Variants in UTRN observed in about 807,000 individuals in gnomAD.
UTRN encodes dystrophin-related protein 1.
UTRN carries 283 observed loss-of-function variants against 463.9 expected under a neutral mutation model. That is an observed-to-expected ratio of 0.61 (90% CI 0.55 to 0.67). UTRN has a LOEUF of 0.67. Ranked by LOEUF, UTRN falls within the 30% of genes least tolerant of loss-of-function variation. UTRN has a pLI of 0.00. For synonymous variants in UTRN, 1,442 were observed against 1,431.5 expected (o/e 1.01, Z -0.17); for missense variants, 3,922 against 4,084.3 (o/e 0.96, Z 1.08).
chr6:144,562,922 T>C (rs1303722709), intron 50 of UTRN, among the ~76,000 whole-genome samples: 6 of 152,228 alleles, frequency 3.9e-5, no homozygotes, highest in Non-Finnish European at 2.9e-5. Context: ...GGTATCCCAT[T>C]GCGGTTTTGA....
intron 52 of UTRN, among the ~76,000 whole-genome samples, chr6:144,697,738 A>G (rs6570640): frequency 0.36 from 55,057 of 152,012 alleles, 11,366 homozygotes; most frequent in East Asian, 0.88. Flanking sequence ...TATTGTCTTC[A>G]TCCTCATAAT....
At chr6:144,758,873 T>C (rs1792317711) in intron 58 of UTRN, among the ~76,000 whole-genome samples, 2 of 152,084 alleles carry the variant, frequency 1.3e-5, no homozygotes, top group Admixed American at 6.6e-5. Flanking sequence ...TCAGGTTAGC[T>C]GTGTGACCTC....
chr6:144,726,173 C>T (rs1214578911), intron 53 of UTRN, among the ~76,000 whole-genome samples: 1 of 152,066 alleles, frequency 6.6e-6, no homozygotes, highest in African/African-American at 2.4e-5. Flanking sequence ...TCTGACAATA[C>T]CCCCCAACTT....
chr6:144,802,797 AGATAT>A (rs1329348004), intron 64 of UTRN, among the ~76,000 whole-genome samples: 1 of 152,176 alleles, frequency 6.6e-6, no homozygotes, highest in Non-Finnish European at 1.5e-5. Context: ...TCAACTTAAT[AGATAT>A]AATTCTTTTC....
chr6:144,348,360 G>C (rs1777788253), intron 2 of UTRN, among the ~76,000 whole-genome samples: 1 of 152,164 alleles, frequency 6.6e-6, no homozygotes, highest in Non-Finnish European at 1.5e-5. Flanking sequence ...AGGTTTGCTG[G>C]TGGCTGAAAG....
At chr6:144,397,238 C>T (rs892309499) in intron 2 of UTRN, among the ~76,000 whole-genome samples, 2 of 150,998 alleles carry the variant, frequency 1.3e-5, no homozygotes, top group South Asian at 2.1e-4. Context: ...GAGCGAAACT[C>T]GGTCTTAAAA....
chr6:144,589,127 G>A (rs939029060), intron 51 of UTRN, among the ~76,000 whole-genome samples: 3 of 152,144 alleles, frequency 2.0e-5, no homozygotes, highest in Admixed American at 2.0e-4. Flanking sequence ...AGTTAAGCAA[G>A]AATTTTGGAA....
intron 39 of UTRN, among the ~76,000 whole-genome samples, chr6:144,517,564 C>T (rs1795732771): frequency 1.3e-5 from 2 of 151,942 alleles, no homozygotes; most frequent in Admixed American, 1.3e-4. Flanking sequence ...TCCCTGGGGT[C>T]CGTTCTTTGG....
chr6:144,430,329 C>G lies in UTRN; in HGVS notation c.855+588C>G, dbSNP rs373703279. Among the ~76,000 whole-genome samples the G allele has an allele frequency of 1.4e-4, 21 of 152,096 alleles. No individual in the cohort carries two copies. In the East Asian group the frequency reaches 2.5e-3, roughly 18 times the overall value. ...AAATAAAATCATAATTTATTTTCTT[C>G]CTTAGTTCTACTGTTTGAATCAATC... On this transcript the variant is annotated intron_variant, in intron 9 of 74. Coordinates refer to ENST00000367545, the MANE Select transcript of UTRN (RefSeq NM_007124.3).
chr6:144,590,464 A>G (rs1585429460), intron 51 of UTRN, among the ~76,000 whole-genome samples: 2 of 152,198 alleles, frequency 1.3e-5, no homozygotes, highest in African/African-American at 4.8e-5. Context: ...AAAGGACATA[A>G]TAGCTCCCTA....
chr6:144,679,092 T>G (rs992463076), intron 52 of UTRN, among the ~76,000 whole-genome samples: 1 of 152,178 alleles, frequency 6.6e-6, no homozygotes, highest in Non-Finnish European at 1.5e-5. Flanking sequence ...TCATGTTGTT[T>G]TTTATGCCTC....
intron 65 of UTRN, among the ~76,000 whole-genome samples, chr6:144,810,025 A>G (rs1778474439): frequency 6.6e-6 from 1 of 152,304 alleles, no homozygotes; most frequent in African/African-American, 2.4e-5. Context: ...AAGAGTGGAC[A>G]GTTGCGTAGA....
intron 58 of UTRN, among the ~76,000 whole-genome samples, chr6:144,759,230 T>C (rs1490438326): frequency 1.3e-5 from 2 of 152,100 alleles, no homozygotes; most frequent in Non-Finnish European, 2.9e-5. Context: ...AGCAATTGAT[T>C]GGTGTCAAAT....
At chr6:144,662,785 G>T (rs1235552925) in intron 51 of UTRN, among the ~76,000 whole-genome samples, 1 of 152,266 alleles carries the variant, frequency 6.6e-6, no homozygotes, top group Non-Finnish European at 1.5e-5. Context: ...AAATTCCCAG[G>T]TGAAAGCAGA....
At chr6:144,545,000 A>T (rs1368448763) in intron 46 of UTRN, among the ~76,000 whole-genome samples, 1 of 152,074 alleles carries the variant, frequency 6.6e-6, no homozygotes, top group East Asian at 1.9e-4. Context: ...CAATCCTCTA[A>T]ATTCTCTTTT....
At chr6:144,691,726 G>A (rs1391831941) in intron 52 of UTRN, among the ~76,000 whole-genome samples, 1 of 152,068 alleles carries the variant, frequency 6.6e-6, no homozygotes, top group Non-Finnish European at 1.5e-5. Context: ...ATTCTGCCTA[G>A]TGTTGCACTA....
chr6:144,715,778 T>A (rs1459267384), intron 53 of UTRN, among the ~76,000 whole-genome samples: 2 of 151,246 alleles, frequency 1.3e-5, no homozygotes, highest in Non-Finnish European at 2.9e-5. Flanking sequence ...TGTCTTTTTT[T>A]TTTTTTTGCT....
chr6:144,561,124 A>G (rs1799825730), intron 50 of UTRN, among the ~76,000 whole-genome samples: 1 of 148,274 alleles, frequency 6.7e-6, no homozygotes. Context: ...TGTTTATAGC[A>G]CAGTCAGTGT....
At chr6:144,845,832 T>C (rs1781965749) in intron 73 of UTRN, among the ~76,000 whole-genome samples, 1 of 152,170 alleles carries the variant, frequency 6.6e-6, no homozygotes, top group Non-Finnish European at 1.5e-5. Context: ...GGCCTCACAC[T>C]TTCCCTCCAG....
Sources: allele counts gnomAD v4.1 joint callset (sites outside exome capture counted in the v4.1 genomes callset), GRCh38; gene constraint gnomAD v4.1.1; transcripts MANE v1.5; gene names NCBI Gene and HGNC (gene_info 2026-07-23, HGNC 2026-07-21).